ATP2C2: variants seen among roughly 807,000 people sequenced by gnomAD.
ATP2C2 encodes calcium-transporting ATPase type 2C member 2.
In ATP2C2, 171 loss-of-function variants were observed where a neutral mutation model predicts 110.8. The observed-to-expected ratio is 1.54, with a 90% confidence interval of 1.36 to 1.75. The LOEUF is 1.75. Among genes scored for constraint, ATP2C2 ranks in the 40% most tolerant of loss-of-function variants. ATP2C2 has a pLI of 0.00. For synonymous variants in ATP2C2, 804 were observed against 508.4 expected (o/e 1.58, Z -7.82); for missense variants, 1,963 against 1,235.0 (o/e 1.59, Z -8.84).
chr16:84,447,863 CATT>C lies in ATP2C2; in HGVS notation c.1504-668_1504-666del, dbSNP rs937393368. ...TAATTAATATTATATTTATTAATAA[CATT>C]AATATGTTAATTACATATTAATAAC... On this transcript the variant is annotated intron_variant, in intron 16 of 26. Coordinates refer to ENST00000262429, the MANE Select transcript of ATP2C2 (RefSeq NM_014861.4). 1.8e-3 allele frequency among the ~76,000 whole-genome samples: 264 copies of C among 144,284 alleles called. 5 individuals carry two copies. Among genetic ancestry groups the C allele is most frequent in the South Asian group, 0.012 (54 of 4,678 alleles). The allele number at this position is 144,284 out of a possible 152,430, so 94.7% of individuals were successfully genotyped here.
At chr16:84,407,231 C>T (rs1040564776) in intron 3 of ATP2C2, 1 of 152,202 alleles carries the variant, frequency 6.6e-6, no homozygotes, top group Non-Finnish European at 1.5e-5. Context: ...GTTCCTCTGT[C>T]TCAGGAGTCT....
chr16:84,409,975 C>CT, intron 4 of ATP2C2, among the ~76,000 whole-genome samples: 1 of 152,136 alleles, frequency 6.6e-6, no homozygotes, highest in Non-Finnish European at 1.5e-5. Flanking sequence ...TTTGGGAGGC[C>CT]TGGGGGGTGG....
rs187239504 is a variant in ATP2C2, at chr16:84,407,827, C to T, written c.328-578C>T. 2.4e-3 allele frequency among the ~76,000 whole-genome samples: 364 copies of T among 152,238 alleles called. 1 individual carries two copies. The highest frequency in any genetic ancestry group is 4.3e-3 in the Admixed American group (65 of 15,282). On this transcript the variant is annotated intron_variant, in intron 3 of 26. Transcript: ENST00000262429. ...TGATCTTTGGTCTGCCTTCTGAATC[C>T]GGTTTTATGTGTTTGCATTTCTTTT...
At position 84,446,307 on chromosome 16, in the gene ATP2C2, A is replaced by G. The variant is rs191416856; in HGVS notation, c.1402-22A>G. Reference sequence around the variant, plus strand: ...ATTGGCTTCGGATGACTCACTAAAAATGTGTCATTTTATTATGCTAGATGG... The same window carrying G: ...ATTGGCTTCGGATGACTCACTAAAAGTGTGTCATTTTATTATGCTAGATGG... On this transcript the variant is annotated intron_variant, in intron 15 of 26. Coordinates refer to ENST00000262429, the MANE Select transcript of ATP2C2 (RefSeq NM_014861.4). 1.7e-4 allele frequency: 244 copies of G among 1,465,808 alleles called. 4 individuals are homozygous for G. In the Admixed American group the frequency reaches 5.0e-3, roughly 30 times the overall value. The allele number at this position is 1,465,808 out of a possible 1,614,324, so 90.8% of individuals were successfully genotyped here.
intron 4 of ATP2C2, among the ~76,000 whole-genome samples, chr16:84,410,078 A>C (rs961297385): frequency 6.6e-6 from 1 of 152,126 alleles, no homozygotes; most frequent in African/African-American, 2.4e-5. Context: ...GCATGGTGGC[A>C]TGTGCCTGTG....
chr16:84,411,045 T>G, intron 6 of ATP2C2: 2 of 511,952 alleles, frequency 3.9e-6, no homozygotes, highest in Non-Finnish European at 3.6e-6. Flanking sequence ...GGGAAGAGGG[T>G]AGCCCACAAA....
intron 11 of ATP2C2, among the ~76,000 whole-genome samples, chr16:84,431,647 C>T (rs4782962): frequency 0.2 from 30,639 of 150,926 alleles, 3,479 homozygotes; most frequent in East Asian, 0.48. Flanking sequence ...GGAACATATC[C>T]GAGGGTCACT....
chr16:84,452,066 T>C lies in ATP2C2; in HGVS notation c.1806T>C (p.Asp602=). The C allele has an allele frequency of 6.2e-7, 1 of 1,613,608 alleles. No individual in the cohort carries two copies. Among genetic ancestry groups the C allele is most frequent in the Non-Finnish European group, 8.5e-7 (1 of 1,179,972 alleles). The change falls in exon 18 of 27, where the codon GAT becomes GAC. Residue 602 remains aspartate, a synonymous_variant. Transcript: ENST00000262429. ...SGVSVKMITG[D]ALETALAIGR... ...TGTCTGTGAAGATGATAACGGGGGA[T>C]GCCCTGGAGACGGCCTTGGCCATAG... is the stretch of plus-strand genomic sequence containing the variant.
At chr16:84,390,528 TTCCAAAGGAGGCACA>T (rs1904590569) in intron 1 of ATP2C2, among the ~76,000 whole-genome samples, 1 of 152,018 alleles carries the variant, frequency 6.6e-6, no homozygotes, top group African/African-American at 2.4e-5. Context: ...ATCTTGGGGG[TTCCAAAGGAGGCACA>T]GACACAGAAG....
chr16:84,415,018 C>T (rs1308078290), intron 6 of ATP2C2, among the ~76,000 whole-genome samples: 3 of 152,098 alleles, frequency 2.0e-5, no homozygotes, highest in Non-Finnish European at 4.4e-5. Flanking sequence ...GGAAGCATAT[C>T]CGTAGTCTGA....
chr16:84,440,334 C>G (rs1430958760), intron 13 of ATP2C2, among the ~76,000 whole-genome samples: 1 of 152,198 alleles, frequency 6.6e-6, no homozygotes, highest in African/African-American at 2.4e-5. Context: ...ATTTTTTTAT[C>G]CTGATATTTT....
intron 17 of ATP2C2, among the ~76,000 whole-genome samples, chr16:84,451,186 T>G (rs868573398): frequency 6.6e-6 from 1 of 152,138 alleles, no homozygotes; most frequent in African/African-American, 2.4e-5. Flanking sequence ...GAGCCAAGCC[T>G]AAGGGGAAAC....
chr16:84,416,960 T>G, intron 7 of ATP2C2, among the ~76,000 whole-genome samples: 1 of 151,948 alleles, frequency 6.6e-6, no homozygotes, highest in African/African-American at 2.4e-5. Flanking sequence ...AGGCAGCTTG[T>G]GAGAAGGACA....
chr16:84,425,757 G>C lies in ATP2C2; in HGVS notation c.942G>C (p.Trp314Cys). ...CAGGTCTCATCATGCTCATTGGCTG[G>C]TCGCAAGGGAAACAACTCCTGAGTA... ...GIIGLIMLIG[W>C]SQGKQLLSMF... The change falls in exon 11 of 27, where the codon TGG becomes TGC. Residue 314 changes from tryptophan (W) to cysteine (C), a missense_variant. Coordinates refer to ENST00000262429, the MANE Select transcript of ATP2C2 (RefSeq NM_014861.4). 6.2e-7 allele frequency: 1 copy of C among 1,614,146 alleles called. No homozygotes were observed. Among genetic ancestry groups the C allele is most frequent in the African/African-American group, 1.3e-5 (1 of 75,008 alleles).
intron 11 of ATP2C2, among the ~76,000 whole-genome samples, chr16:84,434,796 G>A (rs1908595467): frequency 6.6e-6 from 1 of 152,164 alleles, no homozygotes; most frequent in South Asian, 2.1e-4. Context: ...GGGAATGCAG[G>A]TGTGAGCCAC....
Position 84,425,747 on chromosome 16 carries a change from T to G in ATP2C2, c.932T>G (p.Leu311Arg). ...FSFGIIGLIMLIGWSQGKQLL... is the reference protein window; with the variant it reads ...FSFGIIGLIMRIGWSQGKQLL... ...GTCTCTTCCCCAGGTCTCATCATGC[T>G]CATTGGCTGGTCGCAAGGGAAACAA... The change falls in exon 11 of 27, where the codon CTC (leucine) becomes CGC (arginine). Residue 311 changes from leucine to arginine, a missense_variant. Leu to Arg is a moderately radical substitution (Grantham distance 102). Coordinates refer to ENST00000262429, the MANE Select transcript of ATP2C2 (RefSeq NM_014861.4). The G allele has an allele frequency of 6.2e-7, 1 of 1,614,160 alleles. No individual in the cohort carries two copies. The highest frequency in any genetic ancestry group is 1.1e-5 in the South Asian group (1 of 91,078).
At chr16:84,425,357 G>A (rs1210477457) in intron 10 of ATP2C2, among the ~76,000 whole-genome samples, 1 of 152,176 alleles carries the variant, frequency 6.6e-6, no homozygotes, top group Non-Finnish European at 1.5e-5. Flanking sequence ...TGAAAAAACA[G>A]TGACCTATCT....
At chr16:84,398,774 G>A (rs941236501) in intron 2 of ATP2C2, among the ~76,000 whole-genome samples, 165 bp downstream of exon 2, 2 of 152,234 alleles carry the variant, frequency 1.3e-5, no homozygotes, top group African/African-American at 4.8e-5. Context: ...TCCACAGGTA[G>A]AATATCAGTA....
chr16:84,453,425 C>G lies in ATP2C2; in HGVS notation c.1980+54C>G, dbSNP rs1167846066. The G allele has an allele frequency of 1.0e-5, 16 of 1,606,864 alleles. No individual in the cohort carries two copies. The Admixed American group carries it at 1.3e-4, about 13-fold the overall frequency. On this transcript the variant is annotated intron_variant, in intron 20 of 26. Transcript: ENST00000262429. ...CGCTGCTGGGGCCGGGCCAGAGACA[C>G]TGTGGCTCGAGGAGCTCATGCGTCC...
Sources: gnomAD v4.1 joint callset for allele counts (sites outside exome capture counted in the v4.1 genomes callset) on GRCh38, gnomAD v4.1.1 for gene constraint, MANE v1.5 for transcripts, NCBI Gene and HGNC (gene_info 2026-07-23, HGNC 2026-07-21) for gene names.